TMEM175: variants seen among roughly 807,000 people sequenced by gnomAD.
TMEM175 encodes endosomal/lysosomal proton channel TMEM175.
TMEM175 carries 36 observed loss-of-function variants against 36.5 expected under a neutral mutation model. The observed-to-expected ratio is 0.99, with a 90% CI of 0.76 to 1.30. The LOEUF (loss-of-function observed/expected upper bound fraction) is 1.30, where lower values mean the gene tolerates loss of function less well. Ranked by LOEUF, TMEM175 falls within the 50% of genes most tolerant of loss-of-function variation. The pLI, the probability that TMEM175 is intolerant of heterozygous loss-of-function variation, is 0.00. For missense variants in TMEM175, 705 were observed against 692.8 expected (o/e 1.02, Z -0.20); for synonymous variants, 339 against 313.4 (o/e 1.08, Z -0.86).
chr4:953,265 C>T lies in TMEM175; in HGVS notation c.538C>T (p.Leu180=). Residue 180 remains leucine, a synonymous_variant, in exon 8 of 11, where the codon CTG becomes TTG. Coordinates refer to ENST00000264771, the MANE Select transcript of TMEM175 (RefSeq NM_032326.4). ...GATCCAGCGCTCTGCCCACAGGGCT[C>T]TGTACCGACGACACGTCCTGGGCAT... ...PQIQRSAHRA[L]YRRHVLGIVL... 1 of 1,614,106 alleles carries T rather than the reference C, an allele frequency of 6.2e-7. No individual in the cohort carries two copies. The highest frequency in any genetic ancestry group is 8.5e-7 in the Non-Finnish European group (1 of 1,179,994).
At chr4:950,542 G>T (rs199865126) in intron 4 of TMEM175, 24 bp downstream of exon 4, 1 of 1,566,850 alleles carries the variant, frequency 6.4e-7, no homozygotes, top group South Asian at 1.1e-5. Context: ...CGCTTCCAGC[G>T]GTCCATAGCT....
intron 1 of TMEM175, among the ~76,000 whole-genome samples, chr4:936,229 C>T (rs911960969): frequency 1.5e-4 from 22 of 151,258 alleles, no homozygotes; most frequent in Admixed American, 4.6e-4. Context: ...CCTGTAGTTC[C>T]GGCTACTTGG....
chr4:955,747 G>C lies in TMEM175; in HGVS notation c.707-8G>C. The C allele has an allele frequency of 6.2e-7, 1 of 1,612,252 alleles. No homozygotes were observed. The highest frequency in any genetic ancestry group is 8.5e-7 in the Non-Finnish European group (1 of 1,179,238). Reference sequence around the variant, plus strand: ...TTGGCCAGCTCCACCCTCCTGGCGTGTCCCCAGGCCACAGGGAGCCCTCGG... The same window carrying C: ...TTGGCCAGCTCCACCCTCCTGGCGTCTCCCCAGGCCACAGGGAGCCCTCGG... On this transcript the variant is annotated splice_polypyrimidine_tract_variant and splice_region_variant and intron_variant, in intron 9 of 10. Transcript: ENST00000264771.
rs1237472881 is a variant in TMEM175 at position 955,437 on chromosome 4, C to T, written c.660C>T (p.Leu220=). ...SYLLMVTVIL[L]PYVSKVTGWC... Reference sequence around the variant, plus strand: ...TGCTGATGGTGACTGTCATCCTCCTCCCCTATGTCAGCAAGGTCACCGGCT... The same window carrying T: ...TGCTGATGGTGACTGTCATCCTCCTTCCCTATGTCAGCAAGGTCACCGGCT... The change falls in exon 9 of 11, where the codon CTC becomes CTT. Residue 220 remains leucine (L), a synonymous_variant. Transcript: ENST00000264771. The T allele has an allele frequency of 6.2e-7, 1 of 1,614,168 alleles. No homozygotes were observed.
chr4:951,558 A>T, intron 5 of TMEM175, 124 bp from the exon 6 acceptor site: 1 of 1,286,596 alleles, frequency 7.8e-7, no homozygotes, highest in South Asian at 1.3e-5. Flanking sequence ...GGCTGGACTC[A>T]CACTCGCTGG....
chr4:946,438 G>A (rs912880188), intron 1 of TMEM175, among the ~76,000 whole-genome samples: 2 of 151,668 alleles, frequency 1.3e-5, no homozygotes, highest in African/African-American at 4.8e-5. Flanking sequence ...GCACGAGGCT[G>A]CCCACTCGGG....
chr4:953,397 GC>G, intron 8 of TMEM175, 43 bp downstream of exon 8: 1 of 1,559,228 alleles, frequency 6.4e-7, no homozygotes, highest in Non-Finnish European at 8.7e-7. Flanking sequence ...AGGAACGGGG[GC>G]CACCATAGGA....
At chr4:942,176 A>G (rs1727602417) in intron 1 of TMEM175, among the ~76,000 whole-genome samples, 1 of 151,694 alleles carries the variant, frequency 6.6e-6, no homozygotes, top group Non-Finnish European at 1.5e-5. Flanking sequence ...CTCCTGCCTC[A>G]GCCTCTCGAG....
Position 957,717 on chromosome 4 carries a change from T to C in TMEM175, c.843-107T>C, listed in dbSNP as rs59165344. ...CACTGGGAAGTCCACATGGTTCATC[T>C]GAAAACGTGCCAGATCCAGGCAGCC... On this transcript the variant is annotated intron_variant, in intron 10 of 10. Coordinates refer to ENST00000264771, the MANE Select transcript of TMEM175 (RefSeq NM_032326.4). 2.4e-3 allele frequency: 2,796 copies of C among 1,155,118 alleles called. 55 individuals carry two copies. The African/African-American group carries it at 0.039, about 16-fold the overall frequency. 71.6% of individuals were successfully genotyped at this position (1,155,118 alleles called of 1,614,324 possible).
intron 4 of TMEM175, among the ~76,000 whole-genome samples, chr4:950,880 G>C (rs981071228): frequency 6.6e-6 from 1 of 151,090 alleles, no homozygotes; most frequent in South Asian, 2.2e-4. Flanking sequence ...GTAGGTGGAG[G>C]TGTGGATGGT....
intron 4 of TMEM175, 49 bp from the exon 5 acceptor site, chr4:951,158 T>C: frequency 6.5e-7 from 1 of 1,546,842 alleles, no homozygotes; most frequent in Non-Finnish European, 8.9e-7. Context: ...GTGCATTTAA[T>C]GTTACTACAA....
Position 958,481 on chromosome 4 carries a change from C to G in TMEM175, c.1500C>G (p.Leu500=). ...TGQDDPQSQL[L]PAPC ...AGGACGACCCACAGTCCCAGCTCCT[C>G]CCTGCCCCCTGCTAGCAGCCACAGA... is the stretch of plus-strand genomic sequence containing the variant. The change falls in exon 11 of 11, where the codon CTC becomes CTG. Residue 500 remains leucine, a synonymous_variant. Transcript: ENST00000264771. The G allele has an allele frequency of 1.9e-6, 3 of 1,538,488 alleles. No individual in the cohort carries two copies. Among genetic ancestry groups the G allele is most frequent in the Non-Finnish European group, 2.6e-6 (3 of 1,146,652 alleles).
chr4:956,793 T>C, intron 10 of TMEM175: 3 of 307,490 alleles, frequency 9.8e-6, no homozygotes, highest in Non-Finnish European at 1.9e-5. Flanking sequence ...TTTTGGAGTG[T>C]CTTGTTCCCT....
intron 10 of TMEM175, chr4:956,439 T>TG (rs752154897): frequency 1.6e-6 from 2 of 1,265,290 alleles, no homozygotes; most frequent in South Asian, 2.6e-5. Context: ...TTGGTTTTTG[T>TG]GGGGTTTTTT....
At chr4:953,442 G>A (rs1193038647) in intron 8 of TMEM175, 88 bp downstream of exon 8, 2 of 1,462,930 alleles carry the variant, frequency 1.4e-6, no homozygotes, top group East Asian at 4.7e-5. Context: ...ACACGGGGGT[G>A]GGGGCAGAGC....
Position 958,265 on chromosome 4 carries a change from T to C in TMEM175, c.1284T>C (p.Cys428=). 6.2e-7 allele frequency: 1 copy of C among 1,606,266 alleles called. No homozygotes were observed. Among genetic ancestry groups the C allele is most frequent in the Non-Finnish European group, 8.5e-7 (1 of 1,179,324 alleles). ...LMFAKLALYP[C]ASLLAFASTC... is the part of the protein sequence containing the mutation. Reference sequence around the variant, plus strand: ...TCGCCAAGCTGGCGCTGTACCCCTGTGCCAGCCTGCTGGCCTTCGCCTCCA... The same window carrying C: ...TCGCCAAGCTGGCGCTGTACCCCTGCGCCAGCCTGCTGGCCTTCGCCTCCA... Residue 428 remains cysteine (C), a synonymous_variant, in exon 11 of 11, where the codon TGT becomes TGC. Transcript: ENST00000264771.
intron 10 of TMEM175, chr4:956,239 C>A: frequency 1.7e-6 from 2 of 1,172,066 alleles, no homozygotes; most frequent in Admixed American, 3.3e-5. Flanking sequence ...TCACCCCTGC[C>A]CCAACACCAG....
intron 1 of TMEM175, among the ~76,000 whole-genome samples, chr4:941,106 A>G (rs201984576): frequency 2.6e-4 from 38 of 148,126 alleles, no homozygotes; most frequent in East Asian, 1.6e-3. Context: ...GGCCGGGTGC[A>G]GTGGCTCACG....
chr4:935,208 G>A (rs1224126552), intron 1 of TMEM175, among the ~76,000 whole-genome samples: 3 of 152,130 alleles, frequency 2.0e-5, no homozygotes, highest in Admixed American at 6.6e-5. Context: ...CTTATCTTAC[G>A]AATATTTCTG....
Sources: gnomAD v4.1 joint callset for allele counts (sites outside exome capture counted in the v4.1 genomes callset) on GRCh38, gnomAD v4.1.1 for gene constraint, MANE v1.5 for transcripts, NCBI Gene and HGNC (gene_info 2026-07-23, HGNC 2026-07-21) for gene names.